ASPRV1: variants seen among roughly 807,000 people sequenced by gnomAD.
The protein encoded by ASPRV1 is aspartic peptidase retroviral like 1.
In ASPRV1, 7 loss-of-function variants were observed where a neutral mutation model predicts 11.0. That is an observed-to-expected ratio of 0.64 (90% CI 0.36 to 1.20). The LOEUF is 1.20. Among genes scored for constraint, ASPRV1 ranks in the 50% most tolerant of loss-of-function variants. ASPRV1 has a pLI of 0.02. For missense variants in ASPRV1, 299 were observed against 320.0 expected (o/e 0.93, Z 0.50); for synonymous variants, 136 against 138.4 (o/e 0.98, Z 0.12).
the ASPRV1 span, among the ~76,000 whole-genome samples, chr2:70,063,208 CCCT>C: frequency 6.6e-6 from 1 of 152,162 alleles, no homozygotes; most frequent in Non-Finnish European, 1.5e-5. Context: ...CTAGCGCTAC[CCCT>C]CAAGACTCTC....
the ASPRV1 span, among the ~76,000 whole-genome samples, chr2:69,991,500 C>A: frequency 6.6e-6 from 1 of 152,150 alleles, no homozygotes. Flanking sequence ...TATTGTTCCT[C>A]TGGGGGCTGG....
At chr2:69,985,317 A>C in the ASPRV1 span, among the ~76,000 whole-genome samples, 1 of 151,488 alleles carries the variant, frequency 6.6e-6, no homozygotes, top group Non-Finnish European at 1.5e-5. Flanking sequence ...CACACTCCTC[A>C]TTTCCTGGCA....
rs764849619 is a variant in ASPRV1, at chr2:69,960,687, T to C, written c.750A>G (p.Ser250=). Residue 250 remains serine, a synonymous_variant, in exon 1 of 1, where the codon TCA becomes TCG. Transcript: ENST00000320256. ...GGGATAGCTCCTGCCGCCCTTCTTC[T>C]GAGGAGGGGTCCTCCTCTATGAGCT... ...DLELIEEDPS[S]EEGRQELSH 1 of 1,613,728 alleles carries C rather than the reference T, an allele frequency of 6.2e-7. No homozygotes were observed. Among genetic ancestry groups the C allele is most frequent in the Non-Finnish European group, 8.5e-7 (1 of 1,179,850 alleles).
chr2:70,052,302 T>C, the ASPRV1 span, among the ~76,000 whole-genome samples: 1 of 152,154 alleles, frequency 6.6e-6, no homozygotes. Context: ...ATCCACTCAC[T>C]GAACTATAAT....
the ASPRV1 span, among the ~76,000 whole-genome samples, chr2:70,034,432 G>A: frequency 4.6e-5 from 7 of 151,848 alleles, no homozygotes; most frequent in Admixed American, 2.0e-4. Context: ...TTAGCCAGGC[G>A]TGGTGGCGCA....
chr2:70,038,608 A>G, the ASPRV1 span, among the ~76,000 whole-genome samples: 2 of 152,196 alleles, frequency 1.3e-5, no homozygotes, highest in Non-Finnish European at 2.9e-5. Flanking sequence ...AAGCGTATGA[A>G]GCTCTTTATT....
the ASPRV1 span, chr2:70,049,625 T>TC: frequency 6.6e-6 from 1 of 152,340 alleles, no homozygotes; most frequent in Non-Finnish European, 1.5e-5. Flanking sequence ...ATAGACTTTA[T>TC]CATTCCAAAT....
At chr2:70,000,006 C>CT in the ASPRV1 span, among the ~76,000 whole-genome samples, 2 of 152,226 alleles carry the variant, frequency 1.3e-5, no homozygotes, top group Non-Finnish European at 2.9e-5. Context: ...CATCCTGCCA[C>CT]ATCTGCACTC....
the ASPRV1 span, among the ~76,000 whole-genome samples, chr2:69,979,430 G>A: frequency 6.6e-6 from 1 of 152,176 alleles, no homozygotes; most frequent in Non-Finnish European, 1.5e-5. Context: ...AGTCTCTGAG[G>A]GAAGAGTCTT....
the ASPRV1 span, among the ~76,000 whole-genome samples, chr2:69,934,710 C>T: frequency 6.6e-5 from 10 of 152,188 alleles, no homozygotes; most frequent in African/African-American, 2.2e-4. Flanking sequence ...TGGAATCTTG[C>T]TTTTCTCCAC....
chr2:70,006,309 G>A, the ASPRV1 span, among the ~76,000 whole-genome samples: 1 of 152,166 alleles, frequency 6.6e-6, no homozygotes, highest in African/African-American at 2.4e-5. Flanking sequence ...CAAAGGTCTG[G>A]GAGGACCAAG....
chr2:69,985,851 A>G, the ASPRV1 span, among the ~76,000 whole-genome samples: 1 of 152,248 alleles, frequency 6.6e-6, no homozygotes. Flanking sequence ...AGCAGATGGC[A>G]GTGTTAGCCA....
chr2:69,990,974 G>A, the ASPRV1 span, among the ~76,000 whole-genome samples: 11 of 152,250 alleles, frequency 7.2e-5, no homozygotes, highest in East Asian at 1.2e-3. Context: ...GCACCACACC[G>A]GCACTCATCT....
the ASPRV1 span, among the ~76,000 whole-genome samples, chr2:69,981,949 A>C: frequency 1.3e-5 from 2 of 152,158 alleles, no homozygotes; most frequent in African/African-American, 4.8e-5. Flanking sequence ...GCAGGTGGCC[A>C]TCTGCATGAT....
the ASPRV1 span, chr2:69,940,380 T>C: frequency 2.2e-4 from 33 of 152,560 alleles, no homozygotes; most frequent in African/African-American, 7.9e-4. Context: ...TTTTGTTTCA[T>C]TGCTACATCC....
At chr2:70,078,413 T>C in the ASPRV1 span, among the ~76,000 whole-genome samples, 1 of 152,196 alleles carries the variant, frequency 6.6e-6, no homozygotes, top group African/African-American at 2.4e-5. Context: ...TAGCAAGTGC[T>C]ATGCAGAAAA....
chr2:69,939,834 C>G, the ASPRV1 span: 1 of 152,406 alleles, frequency 6.6e-6, no homozygotes, highest in Admixed American at 6.5e-5. Flanking sequence ...AGCCACCCCA[C>G]GCTCCCCTGC....
upstream of ASPRV1, chr2:69,961,767 C>T (rs1437627529): frequency 4.2e-6 from 6 of 1,441,052 alleles, 1 homozygote; most frequent in Non-Finnish European, 5.6e-6. Context: ...GGATGGGTGC[C>T]TCACCCTCTG....
At chr2:70,009,803 C>T in the ASPRV1 span, among the ~76,000 whole-genome samples, 127 of 152,314 alleles carry the variant, frequency 8.3e-4, no homozygotes, top group African/African-American at 2.7e-3. Context: ...GGAAAACAGG[C>T]ACAACAAGCT....
Sources: gnomAD v4.1 joint callset for allele counts (sites outside exome capture counted in the v4.1 genomes callset) on GRCh38, gnomAD v4.1.1 for gene constraint, MANE v1.5 for transcripts, NCBI Gene and HGNC (gene_info 2026-07-23, HGNC 2026-07-21) for gene names.